The following PCDHGA4 variants were observed in gnomAD, a reference collection of about 807,000 sequenced individuals.
PCDHGA4 encodes protocadherin gamma-A4.
In PCDHGA4, 38 loss-of-function variants were observed where a neutral mutation model predicts 54.6. The observed-to-expected ratio is 0.70, with a 90% CI of 0.54 to 0.91. PCDHGA4 has a LOEUF of 0.91. Ranked by LOEUF, PCDHGA4 falls within the 40% of genes least tolerant of loss-of-function variation. PCDHGA4 has a pLI of 0.00. For missense variants in PCDHGA4, 1,298 were observed against 1,220.9 expected (o/e 1.06, Z -0.94); for synonymous variants, 511 against 512.9 (o/e 1.00, Z 0.05).
intron 1 of PCDHGA4, 163 bp downstream of exon 1, chr5:141,357,784 A>C: frequency 2.4e-6 from 2 of 849,184 alleles, no homozygotes; most frequent in Non-Finnish European, 3.6e-6. Context: ...GATCAACAGT[A>C]TTTACCACAC....
intron 1 of PCDHGA4, chr5:141,427,206 G>C (rs1224325038): frequency 1.1e-5 from 5 of 456,606 alleles, no homozygotes; most frequent in Admixed American, 2.3e-5. Context: ...AATAGACTTC[G>C]AATTTCGTAG....
intron 1 of PCDHGA4, chr5:141,423,492 C>T (rs2154550191): frequency 1.2e-6 from 2 of 1,613,972 alleles, no homozygotes; most frequent in East Asian, 4.5e-5. Context: ...AAACCTATTC[C>T]CACGAGGTCT....
chr5:141,382,992 T>G, intron 1 of PCDHGA4: 2 of 1,613,578 alleles, frequency 1.2e-6, no homozygotes, highest in Non-Finnish European at 1.7e-6. Context: ...CAGGACGTAT[T>G]CTCTACTCCG....
In PCDHGA4 at chr5:141,505,323, G is replaced by T. The variant is rs996747379; in HGVS notation, c.2574-70G>T. 12 of 1,606,640 alleles carry T rather than the reference G, an allele frequency of 7.5e-6. No homozygotes were observed. In the African/African-American group the frequency reaches 1.5e-4, roughly 20 times the overall value. On this transcript the variant is annotated intron_variant, in intron 2 of 3. Transcript: ENST00000571252. Reference sequence around the variant, plus strand: ...TAGGGTACTAGGTTTGGGAGCCCTGGGAGAGGACAGGAGGGGCATGAGCTG... The same window carrying T: ...TAGGGTACTAGGTTTGGGAGCCCTGTGAGAGGACAGGAGGGGCATGAGCTG...
chr5:141,365,620 G>T, intron 1 of PCDHGA4: 1 of 1,613,368 alleles, frequency 6.2e-7, no homozygotes, highest in Middle Eastern at 1.6e-4. Context: ...ATGGAACCCC[G>T]CCCCTCTCTA....
At chr5:141,375,273 C>T in intron 1 of PCDHGA4, 1 of 1,613,854 alleles carries the variant, frequency 6.2e-7, no homozygotes, top group Non-Finnish European at 8.5e-7. Flanking sequence ...TTGGAAAAAT[C>T]AGTTGGCAAT....
At chr5:141,427,599 C>G (rs1233253295) in intron 1 of PCDHGA4, 1 of 682,980 alleles carries the variant, frequency 1.5e-6, no homozygotes, top group African/African-American at 1.8e-5. Flanking sequence ...CCTCACCCTA[C>G]GCATTGGTGA....
At chr5:141,389,743 G>T in intron 1 of PCDHGA4, 8 of 1,612,624 alleles carry the variant, frequency 5.0e-6, no homozygotes, top group Non-Finnish European at 6.8e-6. Flanking sequence ...CTGGGGCTGC[G>T]CACGGGCGAA....
At chr5:141,446,830 A>G (rs1289946397) in intron 1 of PCDHGA4, among the ~76,000 whole-genome samples, 1 of 152,176 alleles carries the variant, frequency 6.6e-6, no homozygotes, top group Non-Finnish European at 1.5e-5. Flanking sequence ...GTAGATCCTT[A>G]TAAGGCTGAG....
At chr5:141,448,488 C>A (rs568050769) in intron 1 of PCDHGA4, among the ~76,000 whole-genome samples, 1 of 152,280 alleles carries the variant, frequency 6.6e-6, no homozygotes, top group African/African-American at 2.4e-5. Context: ...TTCCTCCTGT[C>A]CCCTGTAGGT....
At position 141,490,448 on chromosome 5, in the gene PCDHGA4, A is replaced by C. The variant is rs1309104827; in HGVS notation, c.2515-4359A>C. 1 of 1,614,206 alleles carries C rather than the reference A, an allele frequency of 6.2e-7. No homozygotes were observed. Among genetic ancestry groups the C allele is most frequent in the Admixed American group, 1.7e-5 (1 of 60,030 alleles). ...TTTCAGATTAAGCCTTCTGAGAACC[A>C]CTACTCGCTGCTAACCAGCCAGCCT... is the stretch of plus-strand genomic sequence containing the variant. On this transcript the variant is annotated intron_variant, in intron 1 of 3. Coordinates refer to ENST00000571252, the MANE Select transcript of PCDHGA4 (RefSeq NM_018917.4). This position sits in a 1 kb window ranked among gnomAD's most constrained non-coding sequence, Gnocchi z 5.4.
intron 1 of PCDHGA4, among the ~76,000 whole-genome samples, chr5:141,474,010 C>G (rs989832548): frequency 1.3e-5 from 2 of 152,092 alleles, no homozygotes; most frequent in Admixed American, 1.3e-4. Flanking sequence ...CTGGAAGTTA[C>G]AGTGAGCTAT....
chr5:141,439,800 T>C (rs1393580217), intron 1 of PCDHGA4: 1 of 152,300 alleles, frequency 6.6e-6, no homozygotes, highest in Admixed American at 6.5e-5. Context: ...CAAGAAGAGT[T>C]TGAAAAGGGG....
rs1425295626 is a variant in PCDHGA4 at position 141,477,940 on chromosome 5, C to T, written c.2515-16867C>T. On this transcript the variant is annotated intron_variant, in intron 1 of 3. Coordinates refer to ENST00000571252, the MANE Select transcript of PCDHGA4 (RefSeq NM_018917.4). This position sits in a 1 kb window ranked among gnomAD's most constrained non-coding sequence, Gnocchi z 4.9. ...CAGGGCACAATGCCTGGCTCTCCTA[C>T]AGTCTCTTGGGATCCCCTAACCAGA... The T allele has an allele frequency of 6.2e-7, 1 of 1,614,178 alleles. No homozygotes were observed. Among genetic ancestry groups the T allele is most frequent in the South Asian group, 1.1e-5 (1 of 91,084 alleles).
Position 141,485,096 on chromosome 5 carries a change from CCAG to C in PCDHGA4, c.2515-9709_2515-9707del. The C allele has an allele frequency of 8.9e-7, 1 of 1,125,684 alleles. No homozygotes were observed. The highest frequency in any genetic ancestry group is 1.3e-6 in the Non-Finnish European group (1 of 759,466). 69.7% of individuals were successfully genotyped at this position (1,125,684 alleles called of 1,614,324 possible). A position where few individuals can be genotyped will look rare whatever the true frequency, so the allele number is the denominator to read the frequency against. ...CGCGGGGAAAGGGAGATAGGTGTCTCCAGCTGCTGTGGCTGTTTGGGGCGGGTC... is the reference window on the plus strand; with the variant it reads ...CGCGGGGAAAGGGAGATAGGTGTCTCCTGCTGTGGCTGTTTGGGGCGGGTC... On this transcript the variant is annotated intron_variant, in intron 1 of 3. Transcript: ENST00000571252. The surrounding 1 kb of genome is among the most constrained non-coding windows in gnomAD (Gnocchi z 5.7).
intron 1 of PCDHGA4, chr5:141,400,274 G>C: frequency 6.2e-7 from 1 of 1,614,032 alleles, no homozygotes; most frequent in Non-Finnish European, 8.5e-7. Flanking sequence ...CGCTCCTCCA[G>C]CCCTGCCGCC....
At position 141,486,493 on chromosome 5, in the gene PCDHGA4, T is replaced by C. The variant is rs761905572; in HGVS notation, c.2515-8314T>C. The C allele has an allele frequency of 1.2e-6, 2 of 1,614,136 alleles. No homozygotes were observed. The highest frequency in any genetic ancestry group is 1.7e-6 in the Non-Finnish European group (2 of 1,179,960). Reference sequence around the variant, plus strand: ...ACCCTCCTCTCAGTACCCACAGAACTATTTTCCTCAATATTTCAGATGTGA... The same window carrying C: ...ACCCTCCTCTCAGTACCCACAGAACCATTTTCCTCAATATTTCAGATGTGA... On this transcript the variant is annotated intron_variant, in intron 1 of 3. Transcript: ENST00000571252. The surrounding 1 kb of genome is among the most constrained non-coding windows in gnomAD (Gnocchi z 5.0).
chr5:141,400,081 G>A lies in PCDHGA4; in HGVS notation c.2514+42460G>A, dbSNP rs763547099. 3.7e-6 allele frequency: 6 copies of A among 1,613,902 alleles called. No homozygotes were observed. The highest frequency in any genetic ancestry group is 3.3e-5 in the Admixed American group (2 of 60,010). On this transcript the variant is annotated intron_variant, in intron 1 of 3. Transcript: ENST00000571252. ...TGATGGTGGACAGCCGCCACTCTCC[G>A]CCACCGCCACGCTGCACTTGGTCTT...
At chr5:141,377,699 G>A (rs895371425) in intron 1 of PCDHGA4, 1 of 151,992 alleles carries the variant, frequency 6.6e-6, no homozygotes, top group Non-Finnish European at 1.5e-5. Context: ...TTACTACTTA[G>A]GAATCAAAAA....
Sources: gnomAD v4.1 joint callset for allele counts (sites outside exome capture counted in the v4.1 genomes callset) on GRCh38, gnomAD v4.1.1 for gene constraint, Gnocchi (gnomAD v3.1) non-coding constraint, MANE v1.5 for transcripts, NCBI Gene and HGNC (gene_info 2026-07-23, HGNC 2026-07-21) for gene names.